SPPL3: variants seen among roughly 807,000 people sequenced by gnomAD.
SPPL3 encodes the protein signal peptide peptidase like 3.
Under a neutral mutation model 42.4 loss-of-function variants are expected in SPPL3, and 5 were observed. The ratio of observed to expected loss-of-function variants is 0.12; its 90% CI spans 0.06 to 0.25. The LOEUF (loss-of-function observed/expected upper bound fraction) is 0.25, where lower values mean the gene tolerates loss of function less well. Among genes scored for constraint, SPPL3 ranks in the 10% least tolerant of loss-of-function variants. SPPL3 has a pLI of 1.00. For synonymous variants in SPPL3, 195 were observed against 181.8 expected (o/e 1.07, Z -0.58); for missense variants, 235 against 489.0 (o/e 0.48, Z 4.90).
At chr12:120,888,749 T>C (rs1402913916) in intron 1 of SPPL3, among the ~76,000 whole-genome samples, 1 of 152,222 alleles carries the variant, frequency 6.6e-6, no homozygotes, top group Admixed American at 6.5e-5. Context: ...TCTGTAGATA[T>C]AATAAAAACT....
intron 1 of SPPL3, among the ~76,000 whole-genome samples, chr12:120,835,176 C>T (rs531420104): frequency 1.3e-5 from 2 of 152,036 alleles, no homozygotes; most frequent in Admixed American, 6.6e-5. Flanking sequence ...CTCCACAGAT[C>T]GACAGTGCAT....
chr12:120,892,461 G>A (rs1389694229), intron 1 of SPPL3, among the ~76,000 whole-genome samples: 1 of 152,136 alleles, frequency 6.6e-6, no homozygotes, highest in Non-Finnish European at 1.5e-5. Context: ...AAATGGGTAG[G>A]AGTCAACATG....
At chr12:120,886,551 G>A (rs906405913) in intron 1 of SPPL3, among the ~76,000 whole-genome samples, 2 of 152,164 alleles carry the variant, frequency 1.3e-5, no homozygotes, top group Admixed American at 6.5e-5. Flanking sequence ...TTTACTTGCT[G>A]AGAACTATAG....
At chr12:120,802,026 C>T (rs1870313331) in intron 2 of SPPL3, among the ~76,000 whole-genome samples, 1 of 152,086 alleles carries the variant, frequency 6.6e-6, no homozygotes, top group South Asian at 2.1e-4. Context: ...AGGTAGAGAT[C>T]TGGTTATATT....
At chr12:120,832,030 T>C (rs1398896303) in intron 1 of SPPL3, among the ~76,000 whole-genome samples, 1 of 152,242 alleles carries the variant, frequency 6.6e-6, no homozygotes, top group Non-Finnish European at 1.5e-5. Context: ...TGCCTCTTTA[T>C]CACCAATCTG....
At chr12:120,824,020 G>A (rs959168386) in intron 1 of SPPL3, among the ~76,000 whole-genome samples, 1 of 151,816 alleles carries the variant, frequency 6.6e-6, no homozygotes, top group Non-Finnish European at 1.5e-5. Context: ...ACAGGCGCCC[G>A]CCACCAAGCC....
At chr12:120,860,157 C>T (rs1872583139) in intron 1 of SPPL3, among the ~76,000 whole-genome samples, 1 of 152,138 alleles carries the variant, frequency 6.6e-6, no homozygotes, top group Admixed American at 6.5e-5. Flanking sequence ...GAGCCATGAT[C>T]ATGCCAGTGC....
intron 1 of SPPL3, among the ~76,000 whole-genome samples, chr12:120,821,377 G>A (rs1592979420): frequency 6.6e-6 from 1 of 152,324 alleles, no homozygotes; most frequent in East Asian, 1.9e-4. Flanking sequence ...TGGTTCCTGT[G>A]TTCAACACTG....
intron 3 of SPPL3, among the ~76,000 whole-genome samples, chr12:120,787,442 G>C (rs1437716393): frequency 6.6e-6 from 1 of 152,094 alleles, no homozygotes; most frequent in Non-Finnish European, 1.5e-5. Context: ...GGCTTCTTGG[G>C]GGCAGGCAGA....
At chr12:120,882,464 T>C (rs1291969602) in intron 1 of SPPL3, among the ~76,000 whole-genome samples, 1 of 152,132 alleles carries the variant, frequency 6.6e-6, no homozygotes, top group South Asian at 2.1e-4. Flanking sequence ...CATAGGACTT[T>C]GTATACACAT....
At chr12:120,796,236 C>T (rs1234960846) in intron 2 of SPPL3, among the ~76,000 whole-genome samples, 2 of 152,002 alleles carry the variant, frequency 1.3e-5, no homozygotes, top group African/African-American at 4.8e-5. Context: ...ATTAGCCAGG[C>T]ATGGTGGCAC....
intron 1 of SPPL3, among the ~76,000 whole-genome samples, chr12:120,883,004 T>C (rs768902952): frequency 5.3e-5 from 8 of 152,066 alleles, no homozygotes; most frequent in Non-Finnish European, 1.2e-4. Context: ...TACACAGATA[T>C]ATAAAACTTA....
At chr12:120,887,899 C>T (rs1180180166) in intron 1 of SPPL3, among the ~76,000 whole-genome samples, 1 of 152,172 alleles carries the variant, frequency 6.6e-6, no homozygotes, top group African/African-American at 2.4e-5. Context: ...GAATCTCACA[C>T]ATTGCTGGTG....
chr12:120,891,239 TC>T (rs1873630501), intron 1 of SPPL3, among the ~76,000 whole-genome samples: 1 of 152,156 alleles, frequency 6.6e-6, no homozygotes, highest in Non-Finnish European at 1.5e-5. Context: ...TAATACATCA[TC>T]CTTAGGCCTG....
chr12:120,832,565 C>G (rs993575496), intron 1 of SPPL3, among the ~76,000 whole-genome samples: 5 of 151,638 alleles, frequency 3.3e-5, no homozygotes, highest in Admixed American at 2.0e-4. Context: ...CCCAGCTACT[C>G]GGGAGGCTGA....
chr12:120,782,604 TATA>T (rs1031110188), intron 6 of SPPL3, 48 bp downstream of exon 6: 1 of 1,334,446 alleles, frequency 7.5e-7, no homozygotes, highest in Non-Finnish European at 1.1e-6. Context: ...CTAAAGTATC[TATA>T]AAACTCTATA....
At chr12:120,880,862 T>A (rs1406181205) in intron 1 of SPPL3, among the ~76,000 whole-genome samples, 1 of 147,380 alleles carries the variant, frequency 6.8e-6, no homozygotes, top group Non-Finnish European at 1.5e-5. Context: ...TAACTACAGC[T>A]CAACAACAAT....
At chr12:120,770,549 T>C (rs1869079804) in intron 6 of SPPL3, among the ~76,000 whole-genome samples, 1 of 152,150 alleles carries the variant, frequency 6.6e-6, no homozygotes, top group South Asian at 2.1e-4. Flanking sequence ...GACACAGTAA[T>C]CGACCTGTCC....
chr12:120,867,003 C>A (rs1872773686), intron 1 of SPPL3, among the ~76,000 whole-genome samples: 1 of 152,160 alleles, frequency 6.6e-6, no homozygotes, highest in Non-Finnish European at 1.5e-5. Context: ...GATAATCCAT[C>A]CTAAGTCATG....
Sources: gnomAD v4.1 joint callset for allele counts (sites outside exome capture counted in the v4.1 genomes callset) on GRCh38, gnomAD v4.1.1 for gene constraint, MANE v1.5 for transcripts, NCBI Gene and HGNC (gene_info 2026-07-23, HGNC 2026-07-21) for gene names.